The following DAB1 variants were observed in gnomAD, a reference collection of about 807,000 sequenced individuals.
DAB1 encodes the protein disabled homolog 1.
A neutral mutation model predicts 64.6 loss-of-function variants in DAB1; 15 were observed. That is an observed-to-expected ratio of 0.23 (90% CI 0.16 to 0.36). The LOEUF (loss-of-function observed/expected upper bound fraction) is 0.36, where lower values mean the gene tolerates loss of function less well. DAB1 is among the 10% of genes least tolerant of loss of function. The pLI, the probability that DAB1 is intolerant of heterozygous loss-of-function variation, is 1.00. For missense variants in DAB1, 596 were observed against 706.7 expected (o/e 0.84, Z 1.78); for synonymous variants, 235 against 251.9 (o/e 0.93, Z 0.64).
chr1:58,529,526 C>A (rs988491714), intron 1 of DAB1, among the ~76,000 whole-genome samples: 16 of 152,178 alleles, frequency 1.1e-4, no homozygotes, highest in Admixed American at 7.2e-4. Context: ...CCTAGTAAGA[C>A]TTTCCTTTCA....
chr1:57,376,060 A>G (rs1023966849), intron 1 of DAB1, among the ~76,000 whole-genome samples: 2 of 152,212 alleles, frequency 1.3e-5, no homozygotes, highest in Non-Finnish European at 2.9e-5. Context: ...AAGAGATTCC[A>G]TGGTAACACA....
At chr1:57,258,116 G>C (rs1669902259) in intron 2 of DAB1, among the ~76,000 whole-genome samples, 1 of 152,106 alleles carries the variant, frequency 6.6e-6, no homozygotes, top group African/African-American at 2.4e-5. Flanking sequence ...TGGCATTGCA[G>C]GTATAAAATT....
intron 4 of DAB1, among the ~76,000 whole-genome samples, chr1:58,169,691 C>T (rs1451531520): frequency 6.6e-6 from 1 of 152,162 alleles, no homozygotes; most frequent in African/African-American, 2.4e-5. Context: ...ACAGGAGGAC[C>T]TCTCAGCTTA....
At chr1:57,528,235 T>G (rs1227607118) in intron 7 of DAB1, among the ~76,000 whole-genome samples, 2 of 152,056 alleles carry the variant, frequency 1.3e-5, no homozygotes, top group East Asian at 3.9e-4. Context: ...CTGAAAAAAT[T>G]TAAAAATTAT....
At chr1:57,295,652 C>A (rs140908971) in intron 1 of DAB1, among the ~76,000 whole-genome samples, 1 of 152,004 alleles carries the variant, frequency 6.6e-6, no homozygotes, top group Admixed American at 6.6e-5. Context: ...TTTATCTTTA[C>A]AAAAAGATAC....
At chr1:57,065,405 G>A (rs1650806118) in intron 8 of DAB1, among the ~76,000 whole-genome samples, 1 of 152,130 alleles carries the variant, frequency 6.6e-6, no homozygotes. Flanking sequence ...TGTCTTATTG[G>A]GGGAGATGGA....
intron 5 of DAB1, among the ~76,000 whole-genome samples, chr1:58,044,706 C>T (rs1647201267): frequency 6.6e-6 from 1 of 152,098 alleles, no homozygotes; most frequent in Non-Finnish European, 1.5e-5. Context: ...CGTACTAACT[C>T]AGTCTTACCC....
chr1:57,378,037 C>T (rs913645911), intron 1 of DAB1, among the ~76,000 whole-genome samples: 2 of 152,164 alleles, frequency 1.3e-5, no homozygotes, highest in Non-Finnish European at 2.9e-5. Context: ...CTACCAGAGG[C>T]CTCCTGCAAA....
At chr1:57,465,944 C>T (rs577326586) in intron 7 of DAB1, among the ~76,000 whole-genome samples, 4 of 152,156 alleles carry the variant, frequency 2.6e-5, no homozygotes, top group Non-Finnish European at 5.9e-5. Context: ...GTTTTATATG[C>T]CAGCTGACAT....
intron 2 of DAB1, among the ~76,000 whole-genome samples, chr1:57,206,707 A>G (rs1361112767): frequency 6.6e-6 from 1 of 152,142 alleles, no homozygotes; most frequent in Non-Finnish European, 1.5e-5. Flanking sequence ...TTTGCTGGCC[A>G]GTGTCTATAA....
intron 3 of DAB1, among the ~76,000 whole-genome samples, chr1:58,361,867 T>C (rs1321587063): frequency 1.9e-5 from 2 of 104,246 alleles, no homozygotes; most frequent in African/African-American, 3.4e-5. Context: ...ATCCCCCTTT[T>C]TTTTTTTTTT....
chr1:57,145,974 C>T (rs1396797485), intron 2 of DAB1, among the ~76,000 whole-genome samples: 1 of 152,226 alleles, frequency 6.6e-6, no homozygotes, highest in Non-Finnish European at 1.5e-5. Flanking sequence ...TATGACATCT[C>T]TTCTGGTAAG....
intron 7 of DAB1, among the ~76,000 whole-genome samples, chr1:57,642,638 C>A (rs1440643736): frequency 6.6e-6 from 1 of 152,174 alleles, no homozygotes; most frequent in African/African-American, 2.4e-5. Flanking sequence ...CAACTCCATC[C>A]GTTGCCTGGA....
chr1:57,850,854 T>C (rs1348896785), intron 1 of DAB1, among the ~76,000 whole-genome samples: 1 of 152,220 alleles, frequency 6.6e-6, no homozygotes, highest in African/African-American at 2.4e-5. Flanking sequence ...TTCAACTCTC[T>C]GATAAGAATC....
At chr1:57,286,843 A>C (rs1186481072) in intron 2 of DAB1, among the ~76,000 whole-genome samples, 1 of 152,164 alleles carries the variant, frequency 6.6e-6, no homozygotes, top group African/African-American at 2.4e-5. Context: ...AATCAAACCC[A>C]CCAGGGTGTA....
At chr1:57,619,534 G>A (rs1165405981) in intron 7 of DAB1, among the ~76,000 whole-genome samples, 1 of 152,000 alleles carries the variant, frequency 6.6e-6, no homozygotes, top group East Asian at 1.9e-4. Flanking sequence ...CAATTAGCTA[G>A]GACCACAGGG....
chr1:57,235,222 G>A (rs1003151618), intron 2 of DAB1, among the ~76,000 whole-genome samples: 1 of 152,164 alleles, frequency 6.6e-6, no homozygotes, highest in African/African-American at 2.4e-5. Context: ...TTCTCTGTGT[G>A]CTTCTAGGCA....
intron 9 of DAB1, among the ~76,000 whole-genome samples, chr1:57,042,808 G>T (rs1217363277): frequency 6.6e-6 from 1 of 151,872 alleles, no homozygotes; most frequent in Non-Finnish European, 1.5e-5. Flanking sequence ...TCAAATGCTT[G>T]GCATGTATGT....
intron 4 of DAB1, among the ~76,000 whole-genome samples, chr1:58,339,494 G>A (rs1432253163): frequency 6.6e-6 from 1 of 152,078 alleles, no homozygotes; most frequent in African/African-American, 2.4e-5. Flanking sequence ...ATAGAGTAAG[G>A]CTTAGTAAGG....
Sources: allele counts gnomAD v4.1 joint callset (sites outside exome capture counted in the v4.1 genomes callset), GRCh38; gene constraint gnomAD v4.1.1; transcripts MANE v1.5; gene names NCBI Gene and HGNC (gene_info 2026-07-23, HGNC 2026-07-21).